RPS6KA1: variants seen among roughly 807,000 people sequenced by gnomAD.
The protein encoded by RPS6KA1 is ribosomal protein S6 kinase alpha-1.
In RPS6KA1, 48 loss-of-function variants were observed where a neutral mutation model predicts 91.3. That is an observed-to-expected ratio of 0.53 (90% CI 0.42 to 0.67). The LOEUF is 0.67. Among genes scored for constraint, RPS6KA1 ranks in the 30% least tolerant of loss-of-function variants. The pLI is 0.00. For synonymous variants in RPS6KA1, 359 were observed against 384.7 expected (o/e 0.93, Z 0.78); for missense variants, 719 against 960.5 (o/e 0.75, Z 3.32).
intron 17 of RPS6KA1, among the ~76,000 whole-genome samples, chr1:26,564,406 A>C (rs772460057): frequency 2.1e-4 from 32 of 151,902 alleles, no homozygotes; most frequent in Middle Eastern, 3.2e-3. Flanking sequence ...CTACAGGCGC[A>C]CACCGCCACA....
In RPS6KA1 at chr1:26,573,232, G is replaced by A; in HGVS notation, c.1956G>A (p.Val652=). 1.9e-6 allele frequency: 3 copies of A among 1,614,036 alleles called. No individual in the cohort carries two copies. Among genetic ancestry groups the A allele is most frequent in the African/African-American group, 1.3e-5 (1 of 75,042 alleles). ...NTVSETAKDL[V]SKMLHVDPHQ... ...GCCCACTGTGTCCCCAGGACCTGGTGTCCAAGATGCTACACGTGGATCCCC... is the reference window on the plus strand; with the variant it reads ...GCCCACTGTGTCCCCAGGACCTGGTATCCAAGATGCTACACGTGGATCCCC... Residue 652 remains valine, a synonymous_variant, in exon 21 of 22, where the codon GTG becomes GTA. Transcript: ENST00000374168.
At position 26,550,036 on chromosome 1, in the gene RPS6KA1, C is replaced by T. The variant is rs540143800; in HGVS notation, c.308-1361C>T. On this transcript the variant is annotated intron_variant, in intron 4 of 21. Coordinates refer to ENST00000374168, the MANE Select transcript of RPS6KA1 (RefSeq NM_002953.4). Reference sequence around the variant, plus strand: ...CTGGGATTACAGGCCCACGCCACCACGCCTAGCTAATTTTGTATTTTTAGT... The same window carrying T: ...CTGGGATTACAGGCCCACGCCACCATGCCTAGCTAATTTTGTATTTTTAGT... 4.3e-3 allele frequency among the ~76,000 whole-genome samples: 655 copies of T among 151,934 alleles called. 5 individuals carry two copies. The highest frequency in any genetic ancestry group is 0.015 in the African/African-American group (628 of 41,440).
Position 26,574,106 on chromosome 1 carries a change from C to T in RPS6KA1, c.2113C>T (p.Leu705Phe), listed in dbSNP as rs1277578498. 1.9e-6 allele frequency: 3 copies of T among 1,614,188 alleles called. No individual in the cohort carries two copies. Among genetic ancestry groups the T allele is most frequent in the Non-Finnish European group, 2.5e-6 (3 of 1,180,026 alleles). ...KGAMAATYSA[L>F]NSSKPTPQLK... ...AGCCATGGCTGCCACGTACTCCGCA[C>T]TCAACAGCTCCAAGCCCACCCCCCA... is the stretch of plus-strand genomic sequence containing the variant. The change falls in exon 22 of 22, where the codon CTC (leucine) becomes TTC (phenylalanine). Residue 705 changes from leucine (L) to phenylalanine (F), a missense_variant. Coordinates refer to ENST00000374168, the MANE Select transcript of RPS6KA1 (RefSeq NM_002953.4). The surrounding 1 kb of genome is among the most constrained non-coding windows in gnomAD (Gnocchi z 4.3).
chr1:26,530,691 G>C (rs2075861093), intron 1 of RPS6KA1: 1 of 1,235,564 alleles, frequency 8.1e-7, no homozygotes, highest in Non-Finnish European at 1.0e-6. Flanking sequence ...CCCTTGGGGA[G>C]TTTGGCTTCT....
At chr1:26,545,786 T>G in intron 2 of RPS6KA1, 1 of 1,375,770 alleles carries the variant, frequency 7.3e-7, no homozygotes, top group South Asian at 1.6e-5. Context: ...TTGGCTGCCC[T>G]GGGCCAGGCC....
chr1:26,560,070 TAAATA>T (rs1317683881), intron 14 of RPS6KA1, among the ~76,000 whole-genome samples: 2 of 152,090 alleles, frequency 1.3e-5, no homozygotes, highest in African/African-American at 4.8e-5. Flanking sequence ...AAAAAATAAA[TAAATA>T]AAATAAAAAA....
intron 17 of RPS6KA1, among the ~76,000 whole-genome samples, chr1:26,567,009 T>C (rs2076208489): frequency 6.9e-6 from 1 of 145,378 alleles, no homozygotes; most frequent in Non-Finnish European, 1.5e-5. Context: ...TTCTGTGCAC[T>C]TTACATATTA....
rs1284589304 is a variant in RPS6KA1 at position 26,540,448 on chromosome 1, C to T, written c.108+3479C>T. On this transcript the variant is annotated intron_variant, in intron 2 of 21. Coordinates refer to ENST00000374168, the MANE Select transcript of RPS6KA1 (RefSeq NM_002953.4). The surrounding 1 kb of genome is among the most constrained non-coding windows in gnomAD (Gnocchi z 4.2). ...TTCTGCCTGGCCAACATTTGTTCAT[C>T]CTCAGGACCCAGCTGGGCTGCCCCT... Among the ~76,000 whole-genome samples, 1 of 152,198 alleles carries T rather than the reference C, an allele frequency of 6.6e-6. No individual in the cohort carries two copies. Among genetic ancestry groups the T allele is most frequent in the Non-Finnish European group, 1.5e-5 (1 of 68,024 alleles).
At position 26,551,830 on chromosome 1, in the gene RPS6KA1, G is replaced by C; in HGVS notation, c.468+107G>C. 1.0e-6 allele frequency: 1 copy of C among 982,366 alleles called. No individual in the cohort carries two copies. The highest frequency in any genetic ancestry group is 1.6e-6 in the Non-Finnish European group (1 of 624,646). The allele number at this position is 982,366 out of a possible 1,614,324, so 60.9% of individuals were successfully genotyped here. ...ATGTGTTTGGTATGGCTTGAACCTG[G>C]AACCACCCAGGCCTGCCTAGCAGCC... On this transcript the variant is annotated intron_variant, in intron 6 of 21. Coordinates refer to ENST00000374168, the MANE Select transcript of RPS6KA1 (RefSeq NM_002953.4). This position sits in a 1 kb window ranked among gnomAD's most constrained non-coding sequence, Gnocchi z 4.5.
At chr1:26,556,924 C>G in intron 12 of RPS6KA1, 74 bp from the exon 13 acceptor site, 1 of 1,290,950 alleles carries the variant, frequency 7.7e-7, no homozygotes. Flanking sequence ...AAGCCCAGCA[C>G]CTCCTCCTGC....
At chr1:26,548,756 G>A (rs551429743) in intron 4 of RPS6KA1, among the ~76,000 whole-genome samples, 3 of 150,958 alleles carry the variant, frequency 2.0e-5, no homozygotes, top group South Asian at 2.1e-4. Flanking sequence ...CCGAGATCGC[G>A]CCACCATACT....
At chr1:26,543,742 G>A (rs1222807548) in intron 2 of RPS6KA1, among the ~76,000 whole-genome samples, 1 of 152,188 alleles carries the variant, frequency 6.6e-6, no homozygotes. Context: ...GCTGACCCCA[G>A]GCCAGGCAGT....
intron 4 of RPS6KA1, among the ~76,000 whole-genome samples, chr1:26,548,495 G>A (rs1034900598): frequency 6.6e-6 from 1 of 152,070 alleles, no homozygotes; most frequent in Admixed American, 6.6e-5. Context: ...AAGTGTAGAG[G>A]TGGTTTGAAA....
rs995643038 is a variant in RPS6KA1, at chr1:26,572,195, G to A, written c.1849G>A (p.Gly617Ser). 4 of 1,613,936 alleles carry A rather than the reference G, an allele frequency of 2.5e-6. No individual in the cohort carries two copies. Among genetic ancestry groups the A allele is most frequent in the East Asian group, 4.5e-5 (2 of 44,842 alleles). The change falls in exon 20 of 22, where the codon GGT becomes AGT. Residue 617 changes from glycine (G) to serine (S), a missense_variant. Transcript: ENST00000374168. ...MLAGYTPFANGPSDTPEEILT... is the reference protein window; with the variant it reads ...MLAGYTPFANSPSDTPEEILT... ...CTGCAGATATACTCCATTTGCCAACGGTCCCAGTGACACACCAGAGGAAAT... is the reference window on the plus strand; with the variant it reads ...CTGCAGATATACTCCATTTGCCAACAGTCCCAGTGACACACCAGAGGAAAT...
Position 26,551,768 on chromosome 1 carries a change from G to A in RPS6KA1, c.468+45G>A, listed in dbSNP as rs766359978. 3.6e-5 allele frequency: 55 copies of A among 1,519,326 alleles called. No individual in the cohort carries two copies. The highest frequency in any genetic ancestry group is 5.0e-5 in the Non-Finnish European group (55 of 1,093,928). 94.1% of individuals were successfully genotyped at this position (1,519,326 alleles called of 1,614,324 possible). A position where few individuals can be genotyped will look rare whatever the true frequency, so the allele number is the denominator to read the frequency against. On this transcript the variant is annotated intron_variant, in intron 6 of 21. Transcript: ENST00000374168. The surrounding 1 kb of genome is among the most constrained non-coding windows in gnomAD (Gnocchi z 4.5). ...CAGAGGGCCCCGGGATGGAGCTGAG[G>A]GACGACAAGTCCTCCCATCCCAGGG...
At chr1:26,570,575 A>G (rs182670688) in intron 17 of RPS6KA1, among the ~76,000 whole-genome samples, 1 of 152,304 alleles carries the variant, frequency 6.6e-6, no homozygotes, top group East Asian at 1.9e-4. Flanking sequence ...ACAGATGAGC[A>G]AACAGGGCCC....
chr1:26,571,685 C>T lies in RPS6KA1; in HGVS notation c.1752+75C>T. 6.5e-7 allele frequency: 1 copy of T among 1,549,444 alleles called. No homozygotes were observed. Among genetic ancestry groups the T allele is most frequent in the Non-Finnish European group, 8.8e-7 (1 of 1,140,196 alleles). On this transcript the variant is annotated intron_variant, in intron 18 of 21. Transcript: ENST00000374168. The surrounding 1 kb of genome is among the most constrained non-coding windows in gnomAD (Gnocchi z 5.1). The stretch of plus-strand genomic sequence containing the variant: ...CTTGTGCCCCCTCCCAGAGGCCCCA[C>T]ATTAGCCGGGACTCCAGTCTCTGTG...
chr1:26,548,814 A>G (rs1267657919), intron 4 of RPS6KA1, among the ~76,000 whole-genome samples: 3 of 151,818 alleles, frequency 2.0e-5, no homozygotes, highest in Non-Finnish European at 4.4e-5. Context: ...AAAAAAAAAA[A>G]GAAAAAAGAA....
Position 26,572,785 on chromosome 1 carries a change from C to T in RPS6KA1, c.1948-439C>T, listed in dbSNP as rs570153112. Among the ~76,000 whole-genome samples, 8 of 152,236 alleles carry T rather than the reference C, an allele frequency of 5.3e-5. No homozygotes were observed. The East Asian group carries it at 1.5e-3, about 29-fold the overall frequency. On this transcript the variant is annotated intron_variant, in intron 20 of 21. Coordinates refer to ENST00000374168, the MANE Select transcript of RPS6KA1 (RefSeq NM_002953.4). ...ACCTGTATGCCAGACAGAGTTGAACCCTCTATGTACGGCCGGCCACCTCAC... is the reference window on the plus strand; with the variant it reads ...ACCTGTATGCCAGACAGAGTTGAACTCTCTATGTACGGCCGGCCACCTCAC...
Sources: gnomAD v4.1 joint callset for allele counts (sites outside exome capture counted in the v4.1 genomes callset) on GRCh38, gnomAD v4.1.1 for gene constraint, Gnocchi (gnomAD v3.1) non-coding constraint, MANE v1.5 for transcripts, NCBI Gene and HGNC (gene_info 2026-07-23, HGNC 2026-07-21) for gene names.